ITFG1: variants seen among roughly 807,000 people sequenced by gnomAD.
ITFG1 encodes T-cell immunomodulatory protein.
ITFG1 carries 34 observed loss-of-function variants against 81.8 expected under a neutral mutation model. The observed-to-expected ratio is 0.42, with a 90% confidence interval of 0.32 to 0.55. The LOEUF is 0.55. Among genes scored for constraint, ITFG1 ranks in the 20% least tolerant of loss-of-function variants. The pLI, the probability that ITFG1 is intolerant of heterozygous loss-of-function variation, is 0.17. For synonymous variants in ITFG1, 285 were observed against 270.6 expected, an observed-to-expected ratio of 1.05 and a Z score of -0.52; for missense variants, 672 against 755.4, an observed-to-expected ratio of 0.89 and a Z score of 1.29.
chr16:47,258,356 A>T (rs1259778741), intron 12 of ITFG1, among the ~76,000 whole-genome samples: 1 of 152,240 alleles, frequency 6.6e-6, no homozygotes, highest in African/African-American at 2.4e-5. Flanking sequence ...AAATAAGAAA[A>T]GACTGAGGAA....
chr16:47,157,822 A>G (rs1313627989), intron 17 of ITFG1, among the ~76,000 whole-genome samples: 3 of 152,214 alleles, frequency 2.0e-5, no homozygotes, highest in Non-Finnish European at 4.4e-5. Context: ...ATGTCAATCC[A>G]GAGTGTAGGT....
At position 47,224,487 on chromosome 16, in the gene ITFG1, C is replaced by G. The variant is rs117805099; in HGVS notation, c.1375-5541G>C. ...GGAAATCTCTGGCCATCACAGCTGG[C>G]CATTAAGCTGAGTGGCAACACACAA... On this transcript the variant is annotated intron_variant, in intron 13 of 17. Transcript: ENST00000320640. Among the ~76,000 whole-genome samples the G allele has an allele frequency of 3.0e-3, 460 of 152,194 alleles. 12 individuals are homozygous for G. In the East Asian group the frequency reaches 0.07, roughly 23 times the overall value.
At chr16:47,431,327 T>A (rs550191137) in intron 5 of ITFG1, among the ~76,000 whole-genome samples, 124 of 152,244 alleles carry the variant, frequency 8.1e-4, no homozygotes, top group African/African-American at 2.9e-3. Flanking sequence ...GCCTGTCAGA[T>A]CAGTGGTGGC....
intron 11 of ITFG1, 60 bp downstream of exon 11, chr16:47,260,484 TA>T: frequency 1.3e-6 from 2 of 1,560,824 alleles, no homozygotes; most frequent in Non-Finnish European, 1.8e-6. Context: ...GGAATGAAGC[TA>T]AAGTGTGACA....
intron 5 of ITFG1, among the ~76,000 whole-genome samples, chr16:47,441,420 C>A (rs192104114): frequency 2.5e-3 from 383 of 152,192 alleles, no homozygotes; most frequent in East Asian, 0.023. Flanking sequence ...CATTGATGCA[C>A]AAATCCTCAA....
chr16:47,321,436 T>A (rs1393971550), intron 8 of ITFG1, among the ~76,000 whole-genome samples: 3 of 152,228 alleles, frequency 2.0e-5, no homozygotes, highest in Non-Finnish European at 4.4e-5. Context: ...CAGGCTGAAA[T>A]TTTTAAAAAT....
At chr16:47,325,324 A>C (rs8055495) in intron 8 of ITFG1, among the ~76,000 whole-genome samples, 17,225 of 152,210 alleles carry the variant, frequency 0.11, 2,078 homozygotes, top group African/African-American at 0.31. Context: ...CATTCAAAGC[A>C]GTGTGTAGAG....
At chr16:47,401,165 T>C (rs780649597) in intron 6 of ITFG1, among the ~76,000 whole-genome samples, 10 of 151,994 alleles carry the variant, frequency 6.6e-5, no homozygotes, top group Non-Finnish European at 1.2e-4. Flanking sequence ...TGGGAACTGA[T>C]TGGATGTGAG....
intron 5 of ITFG1, among the ~76,000 whole-genome samples, chr16:47,442,279 C>T (rs1016875888): frequency 2.6e-5 from 4 of 152,148 alleles, no homozygotes; most frequent in African/African-American, 7.2e-5. Flanking sequence ...AGATTCAATG[C>T]CATCCCCATC....
intron 13 of ITFG1, among the ~76,000 whole-genome samples, chr16:47,234,502 G>A (rs1486122404): frequency 6.6e-6 from 1 of 152,104 alleles, no homozygotes; most frequent in African/African-American, 2.4e-5. Flanking sequence ...AAGTAATAAT[G>A]ATTGAGCAAT....
At chr16:47,366,911 C>A (rs1296073323) in intron 7 of ITFG1, among the ~76,000 whole-genome samples, 1 of 152,150 alleles carries the variant, frequency 6.6e-6, no homozygotes, top group Admixed American at 6.5e-5. Context: ...CTTCTCCCCA[C>A]CATAAACAAG....
chr16:47,335,999 T>C (rs898280135), intron 8 of ITFG1, among the ~76,000 whole-genome samples: 1 of 152,198 alleles, frequency 6.6e-6, no homozygotes, highest in African/African-American at 2.4e-5. Context: ...TAAAATGTCA[T>C]ATACTCATAC....
intron 14 of ITFG1, among the ~76,000 whole-genome samples, chr16:47,188,031 A>G (rs1248359705): frequency 6.6e-6 from 1 of 152,160 alleles, no homozygotes; most frequent in East Asian, 1.9e-4. Context: ...ATCACTGGCT[A>G]TCAGAGAAAT....
At chr16:47,257,582 T>C (rs1057386554) in intron 12 of ITFG1, among the ~76,000 whole-genome samples, 2 of 152,106 alleles carry the variant, frequency 1.3e-5, no homozygotes, top group African/African-American at 4.8e-5. Flanking sequence ...CAGACGAAAT[T>C]AGAAGGAACC....
chr16:47,248,181 A>G (rs1312125686), intron 12 of ITFG1, among the ~76,000 whole-genome samples: 12 of 152,192 alleles, frequency 7.9e-5, no homozygotes, highest in Admixed American at 7.2e-4. Flanking sequence ...TATAGATTCT[A>G]TCATTCTGGA....
intron 12 of ITFG1, among the ~76,000 whole-genome samples, chr16:47,244,951 C>A (rs1201403025): frequency 1.3e-5 from 2 of 152,074 alleles, no homozygotes; most frequent in Non-Finnish European, 2.9e-5. Context: ...AACTTCCTAG[C>A]TTCTAAAACT....
chr16:47,348,584 A>C (rs995420970), intron 8 of ITFG1, among the ~76,000 whole-genome samples: 5 of 152,188 alleles, frequency 3.3e-5, no homozygotes, highest in African/African-American at 1.2e-4. Flanking sequence ...CTACGTCTGA[A>C]TGGTGTACCT....
chr16:47,164,580 C>T (rs1314499239), intron 14 of ITFG1, among the ~76,000 whole-genome samples: 3 of 152,194 alleles, frequency 2.0e-5, no homozygotes, highest in Non-Finnish European at 2.9e-5. Context: ...TTCAAAGCTG[C>T]GTATGTTTTC....
At chr16:47,275,609 T>C (rs1966389916) in intron 10 of ITFG1, among the ~76,000 whole-genome samples, 1 of 152,160 alleles carries the variant, frequency 6.6e-6, no homozygotes, top group Non-Finnish European at 1.5e-5. Flanking sequence ...GTAAAAAGGC[T>C]AGAGAATTGT....
Sources: gnomAD v4.1 joint callset for allele counts (sites outside exome capture counted in the v4.1 genomes callset) on GRCh38, gnomAD v4.1.1 for gene constraint, MANE v1.5 for transcripts, NCBI Gene and HGNC (gene_info 2026-07-23, HGNC 2026-07-21) for gene names.